GUCY2F: variants seen among roughly 807,000 people sequenced by gnomAD.
GUCY2F encodes the protein guanylate cyclase 2F, retinal.
In GUCY2F, 61 loss-of-function variants were observed where a neutral mutation model predicts 73.1. The ratio of observed to expected loss-of-function variants is 0.83; its 90% CI spans 0.68 to 1.03. The LOEUF (loss-of-function observed/expected upper bound fraction) is 1.03, where lower values mean the gene tolerates loss of function less well. Ranked by LOEUF, GUCY2F falls within the 50% of genes least tolerant of loss-of-function variation. GUCY2F has a pLI of 0.00. For missense variants in GUCY2F, 912 were observed against 854.3 expected (o/e 1.07, Z -0.84); for synonymous variants, 331 against 307.8 (o/e 1.08, Z -0.79).
At chrX:109,413,730 G>C (rs1156456062) in intron 8 of GUCY2F, among the ~76,000 whole-genome samples, 1 of 110,679 alleles carries the variant, frequency 9.0e-6, no homozygotes, top group Non-Finnish European at 1.9e-5. Flanking sequence ...GTCAAATACT[G>C]ACCTAAGTTA....
rs747081627 is a variant in GUCY2F at position 109,409,000 on chromosome X, GATCCAGCAAGAGTGATGATTTAAAC to G, written c.1935_1959del (p.Met645IlefsTer3). ...TCAGTCTTCCCATTAACCTTTATGAGATCCAGCAAGAGTGATGATTTAAACATCCAGTCAAGTTTCACATCTTGAT... is the reference window on the plus strand; with the variant it reads ...TCAGTCTTCCCATTAACCTTTATGAGATCCAGTCAAGTTTCACATCTTGAT... On this transcript the variant is annotated frameshift_variant, in exon 9 of 20. Coordinates refer to ENST00000218006, the MANE Select transcript of GUCY2F (RefSeq NM_001522.3). LOFTEE classifies it high-confidence loss of function. 5.4e-6 allele frequency: 6 copies of G among 1,105,621 alleles called. No homozygotes were observed. Among genetic ancestry groups the G allele is most frequent in the Middle Eastern group, 4.9e-4 (2 of 4,117 alleles). 91.1% of individuals were successfully genotyped at this position (1,105,621 alleles called of 1,213,427 possible). A position where few individuals can be genotyped will look rare whatever the true frequency, so the allele number is the denominator to read the frequency against.
intron 2 of GUCY2F, among the ~76,000 whole-genome samples, chrX:109,473,968 T>C (rs1420912155): frequency 1.8e-5 from 2 of 112,383 alleles, no homozygotes; most frequent in African/African-American, 6.5e-5. Flanking sequence ...AGCTCTATTA[T>C]GAAGTAATCA....
intron 3 of GUCY2F, among the ~76,000 whole-genome samples, chrX:109,462,231 T>C (rs892022389): frequency 2.7e-5 from 3 of 112,876 alleles, no homozygotes; most frequent in African/African-American, 9.6e-5. Flanking sequence ...ATTTTACACA[T>C]AGAGAAACTG....
rs1291392151 is a variant in GUCY2F, at chrX:109,393,810, T to C, written c.2425-755A>G. On this transcript the variant is annotated intron_variant, in intron 12 of 19. Coordinates refer to ENST00000218006, the MANE Select transcript of GUCY2F (RefSeq NM_001522.3). Reference sequence around the variant, plus strand: ...ATCATGAGGGGTAGCCCCTCTGTACTGCTATAGTCAACATGCACATGACTG... The same window carrying C: ...ATCATGAGGGGTAGCCCCTCTGTACCGCTATAGTCAACATGCACATGACTG... 3.6e-5 allele frequency among the ~76,000 whole-genome samples: 4 copies of C among 112,385 alleles called. No individual in the cohort carries two copies. In the Admixed American group the frequency reaches 3.7e-4, roughly 11 times the overall value.
intron 10 of GUCY2F, 98 bp from the exon 11 acceptor site, chrX:109,398,796 T>G: frequency 1.4e-6 from 1 of 724,993 alleles, no homozygotes. Flanking sequence ...ATTGACTGCC[T>G]TATATTTTTA....
intron 19 of GUCY2F, 33 bp from the exon 20 acceptor site, chrX:109,373,032 C>A (rs996776416): frequency 8.9e-6 from 1 of 112,548 alleles, no homozygotes; most frequent in Non-Finnish European, 1.9e-5. Context: ...AGTAACCATA[C>A]CTTATATATC....
Position 109,392,159 on chromosome X carries a change from T to G in GUCY2F, c.2589-56A>C, listed in dbSNP as rs1930580662. The G allele has an allele frequency of 3.5e-6, 3 of 851,901 alleles. No homozygotes were observed. The African/African-American group carries it at 6.1e-5, about 17-fold the overall frequency. 70.2% of individuals were successfully genotyped at this position (851,901 alleles called of 1,213,427 possible). ...GACACTGGTCCCCCTTCATGCCACA[T>G]ACACCTGCTAAAAATACACCAAATA... On this transcript the variant is annotated intron_variant, in intron 13 of 19. Transcript: ENST00000218006.
In GUCY2F at chrX:109,466,856, T is replaced by C. The variant is rs115967343; in HGVS notation, c.731-1413A>G. On this transcript the variant is annotated intron_variant, in intron 2 of 19. Coordinates refer to ENST00000218006, the MANE Select transcript of GUCY2F (RefSeq NM_001522.3). Reference sequence around the variant, plus strand: ...TCTATTTTCAAACACCTTTTTACACTTGCTAAGCACCCCTAGAAAGTTTCC... The same window carrying C: ...TCTATTTTCAAACACCTTTTTACACCTGCTAAGCACCCCTAGAAAGTTTCC... Among the ~76,000 whole-genome samples the C allele has an allele frequency of 5.0e-3, 565 of 112,431 alleles. 2 individuals are homozygous for C. Among genetic ancestry groups the C allele is most frequent in the African/African-American group, 0.018 (543 of 30,969 alleles).
intron 3 of GUCY2F, among the ~76,000 whole-genome samples, chrX:109,460,049 TAG>T (rs1028410225): frequency 5.4e-5 from 6 of 111,362 alleles, no homozygotes; most frequent in Non-Finnish European, 7.6e-5. Flanking sequence ...GTAAAAGTGT[TAG>T]AACACAAAGA....
intron 7 of GUCY2F, among the ~76,000 whole-genome samples, chrX:109,437,288 T>A (rs1242453286): frequency 1.8e-5 from 2 of 111,792 alleles, no homozygotes; most frequent in Admixed American, 9.5e-5. Context: ...AAAAATAAAG[T>A]CCCCATTTGG....
chrX:109,425,914 G>A (rs1319707561), intron 8 of GUCY2F, among the ~76,000 whole-genome samples: 1 of 111,562 alleles, frequency 9.0e-6, no homozygotes, highest in Non-Finnish European at 1.9e-5. Flanking sequence ...AATCGAGAAA[G>A]AGAAGGACAT....
chrX:109,432,616 G>A (rs1329676808), intron 7 of GUCY2F, among the ~76,000 whole-genome samples: 1 of 112,021 alleles, frequency 8.9e-6, no homozygotes, highest in African/African-American at 3.3e-5. Context: ...AACTTTGTGA[G>A]TATATCATCA....
chrX:109,481,710 T>C (rs1932766227), intron 1 of GUCY2F, among the ~76,000 whole-genome samples, 156 bp downstream of exon 1: 1 of 110,238 alleles, frequency 9.1e-6, no homozygotes, highest in South Asian at 3.9e-4. Context: ...CTTTAACCCT[T>C]CTTTCCTTCT....
At chrX:109,420,295 G>A (rs1279915855) in intron 8 of GUCY2F, among the ~76,000 whole-genome samples, 1 of 101,280 alleles carries the variant, frequency 9.9e-6, no homozygotes, top group South Asian at 4.6e-4. Context: ...GAGAGAGAGA[G>A]AGAAAAAGAG....
At chrX:109,395,235 C>T (rs1478311070) in intron 12 of GUCY2F, 106 bp downstream of exon 12, 8 of 677,909 alleles carry the variant, frequency 1.2e-5, no homozygotes, top group Non-Finnish European at 1.8e-5. Context: ...GCCCTTACCC[C>T]TTGCAAGAGG....
chrX:109,434,030 G>A (rs1000402342), intron 7 of GUCY2F, among the ~76,000 whole-genome samples: 1 of 110,989 alleles, frequency 9.0e-6, no homozygotes, highest in Non-Finnish European at 1.9e-5. Flanking sequence ...AGGCGGCAGG[G>A]AGAGAGCTAC....
intron 3 of GUCY2F, among the ~76,000 whole-genome samples, chrX:109,455,427 G>T (rs1335439892): frequency 1.8e-5 from 2 of 111,711 alleles, no homozygotes; most frequent in Non-Finnish European, 3.8e-5. Flanking sequence ...GAGACACAGA[G>T]AAGTTACATG....
chrX:109,476,771 T>TAGATAGATAGAC (rs1556048504), intron 1 of GUCY2F, among the ~76,000 whole-genome samples: 1 of 95,167 alleles, frequency 1.1e-5, no homozygotes, highest in African/African-American at 4.2e-5. Context: ...GATAGATAGA[T>TAGATAGATAGAC]AGACAGACTA....
At chrX:109,450,282 A>C (rs1932109696) in intron 5 of GUCY2F, among the ~76,000 whole-genome samples, 1 of 110,293 alleles carries the variant, frequency 9.1e-6, no homozygotes, top group Admixed American at 9.7e-5. Context: ...CTTCAAACAA[A>C]CCCCTCCCCA....
Sources: allele counts gnomAD v4.1 joint callset (sites outside exome capture counted in the v4.1 genomes callset), GRCh38; gene constraint gnomAD v4.1.1; transcripts MANE v1.5; gene names NCBI Gene and HGNC (gene_info 2026-07-23, HGNC 2026-07-21).